The following CSTPP1 variants were observed in gnomAD, a reference collection of about 807,000 sequenced individuals.
CSTPP1 encodes centriolar satellite-associated tubulin polyglutamylase complex regulator 1, also known as UPF0705 protein C11orf49.
the CSTPP1 span, among the ~76,000 whole-genome samples, chr11:47,085,051 A>G: frequency 6.6e-6 from 1 of 152,092 alleles, no homozygotes; most frequent in African/African-American, 2.4e-5. Context: ...AATACAAAAA[A>G]AAATTAGCTG....
chr11:47,163,382 A>G, the CSTPP1 span, among the ~76,000 whole-genome samples: 1 of 152,132 alleles, frequency 6.6e-6, no homozygotes, highest in Non-Finnish European at 1.5e-5. Context: ...CCAAAGCTGA[A>G]TGAGTCCCAA....
chr11:46,972,312 G>A, the CSTPP1 span, among the ~76,000 whole-genome samples: 3 of 152,128 alleles, frequency 2.0e-5, no homozygotes, highest in Non-Finnish European at 2.9e-5. Context: ...AGGTTAAGTT[G>A]GAGGTTAAAT....
At chr11:46,980,392 A>G in the CSTPP1 span, among the ~76,000 whole-genome samples, 16 of 152,342 alleles carry the variant, frequency 1.1e-4, no homozygotes, top group African/African-American at 3.6e-4. Context: ...GTTTGGATGC[A>G]TAGATGCAAT....
At chr11:46,994,914 T>C in the CSTPP1 span, among the ~76,000 whole-genome samples, 2 of 152,326 alleles carry the variant, frequency 1.3e-5, no homozygotes, top group East Asian at 1.9e-4. Flanking sequence ...CCTGGACTTT[T>C]TTTGGTTGGT....
At chr11:47,148,997 C>T in the CSTPP1 span, among the ~76,000 whole-genome samples, 3 of 152,208 alleles carry the variant, frequency 2.0e-5, no homozygotes, top group Non-Finnish European at 4.4e-5. Context: ...AGGCTGGAAG[C>T]TGTTGCTTCC....
chr11:47,044,623 C>G, the CSTPP1 span, among the ~76,000 whole-genome samples: 2 of 152,114 alleles, frequency 1.3e-5, no homozygotes, highest in South Asian at 4.1e-4. Context: ...GGCAAAGAAG[C>G]AATATTTTAA....
At chr11:47,164,232 C>T in the CSTPP1 span, 19 of 1,613,324 alleles carry the variant, frequency 1.2e-5, no homozygotes, top group East Asian at 8.9e-5. Context: ...CTACCATTAC[C>T]GGTGGGAGCC....
At chr11:47,029,805 A>G in the CSTPP1 span, among the ~76,000 whole-genome samples, 1 of 142,888 alleles carries the variant, frequency 7.0e-6, no homozygotes, top group Non-Finnish European at 1.6e-5. Flanking sequence ...GGATTCCTTG[A>G]AAAAAAAAAA....
At chr11:47,020,821 G>T in the CSTPP1 span, among the ~76,000 whole-genome samples, 1 of 152,176 alleles carries the variant, frequency 6.6e-6, no homozygotes. Flanking sequence ...AGTGTTTGGG[G>T]TGATGGGTAA....
At chr11:46,985,374 A>G in the CSTPP1 span, among the ~76,000 whole-genome samples, 4 of 152,210 alleles carry the variant, frequency 2.6e-5, no homozygotes, top group African/African-American at 9.6e-5. Context: ...ATTTTAGGTA[A>G]TTCCATCATA....
At chr11:46,940,659 G>T in the CSTPP1 span, among the ~76,000 whole-genome samples, 1 of 151,934 alleles carries the variant, frequency 6.6e-6, no homozygotes, top group Non-Finnish European at 1.5e-5. Flanking sequence ...ATATATACAT[G>T]AACATATATA....
the CSTPP1 span, among the ~76,000 whole-genome samples, chr11:47,085,598 C>T: frequency 6.6e-6 from 1 of 152,058 alleles, no homozygotes; most frequent in Non-Finnish European, 1.5e-5. Context: ...TTTCAAGATA[C>T]TGAGGACTAG....
chr11:46,937,929 T>C, the CSTPP1 span, among the ~76,000 whole-genome samples: 1 of 152,178 alleles, frequency 6.6e-6, no homozygotes, highest in Non-Finnish European at 1.5e-5. Context: ...GTTTCTCTCC[T>C]GTTGCCCAGG....
the CSTPP1 span, among the ~76,000 whole-genome samples, chr11:47,054,719 G>C: frequency 6.6e-6 from 1 of 152,112 alleles, no homozygotes; most frequent in African/African-American, 2.4e-5. Context: ...TAGAAGTCTG[G>C]TAGTAGTTGA....
the CSTPP1 span, among the ~76,000 whole-genome samples, chr11:47,061,500 C>T: frequency 6.6e-6 from 1 of 152,180 alleles, no homozygotes; most frequent in Admixed American, 6.5e-5. Flanking sequence ...TTATCTTCAC[C>T]AGTAAAAATC....
At chr11:47,156,419 A>G in the CSTPP1 span, among the ~76,000 whole-genome samples, 2 of 152,202 alleles carry the variant, frequency 1.3e-5, no homozygotes, top group Admixed American at 1.3e-4. Context: ...AGTTCTAACA[A>G]TGGCTCAACT....
chr11:47,161,597 A>T, the CSTPP1 span: 1 of 1,613,914 alleles, frequency 6.2e-7, no homozygotes, highest in South Asian at 1.1e-5. Context: ...GGATGGAGAG[A>T]GTGATGGCTC....
the CSTPP1 span, among the ~76,000 whole-genome samples, chr11:47,110,994 A>G: frequency 2.0e-5 from 3 of 147,526 alleles, no homozygotes; most frequent in African/African-American, 7.5e-5. Flanking sequence ...GGTTCACGCC[A>G]TTCTCCTGCC....
the CSTPP1 span, among the ~76,000 whole-genome samples, chr11:47,055,478 G>A: frequency 2.0e-5 from 3 of 151,426 alleles, no homozygotes; most frequent in South Asian, 4.2e-4. Flanking sequence ...CTACTGCTAC[G>A]AAACTGTAAC....
Sources: gnomAD v4.1 joint callset for allele counts (sites outside exome capture counted in the v4.1 genomes callset) on GRCh38, gnomAD v4.1.1 for gene constraint, MANE v1.5 for transcripts, NCBI Gene and HGNC (gene_info 2026-07-23, HGNC 2026-07-21) for gene names.